Variants in KIAA1549L observed in about 807,000 individuals in gnomAD.
The protein encoded by KIAA1549L is UPF0606 protein KIAA1549L.
Under a neutral mutation model 160.7 loss-of-function variants are expected in KIAA1549L, and 88 were observed. The observed-to-expected ratio is 0.55, with a 90% CI of 0.46 to 0.65. The LOEUF is 0.65. Ranked by LOEUF, KIAA1549L falls within the 30% of genes least tolerant of loss-of-function variation. The probability of loss-of-function intolerance (pLI) is 0.00; values close to 1 mark genes in which losing one functional copy is unlikely to be tolerated. For missense variants in KIAA1549L, 2,258 were observed against 2,437.5 expected, an observed-to-expected ratio of 0.93 and a Z score of 1.55; for synonymous variants, 950 against 976.7, an observed-to-expected ratio of 0.97 and a Z score of 0.51.
intron 19 of KIAA1549L, among the ~76,000 whole-genome samples, chr11:33,659,712 T>C (rs1209476654): frequency 1.3e-5 from 2 of 152,206 alleles, no homozygotes. Flanking sequence ...TCTTGGCGCT[T>C]TAAAAATACA....
chr11:33,610,893 C>A (rs1313066843), intron 15 of KIAA1549L, among the ~76,000 whole-genome samples: 1 of 152,226 alleles, frequency 6.6e-6, no homozygotes, highest in Non-Finnish European at 1.5e-5. Context: ...TGCATCATCC[C>A]ATGGCAGAAG....
At chr11:33,667,032 A>G (rs866434537) in intron 20 of KIAA1549L, among the ~76,000 whole-genome samples, 4 of 152,282 alleles carry the variant, frequency 2.6e-5, no homozygotes, top group Middle Eastern at 3.4e-3. Flanking sequence ...TTGTACTTAT[A>G]TGAATAAGGT....
intron 6 of KIAA1549L, 128 bp downstream of exon 6, chr11:33,552,369 G>A (rs1854492644): frequency 3.0e-6 from 3 of 1,008,256 alleles, no homozygotes; most frequent in Admixed American, 4.5e-5. Context: ...TTCAGACATT[G>A]GTGAGGATGT....
At chr11:33,418,899 T>G (rs1177660859) in intron 1 of KIAA1549L, among the ~76,000 whole-genome samples, 26 of 83,940 alleles carry the variant, frequency 3.1e-4, no homozygotes, top group Admixed American at 3.0e-3. Flanking sequence ...TTTTTTTTTT[T>G]GGGTGGGGTG....
chr11:33,467,877 TA>T (rs753392073), intron 1 of KIAA1549L, among the ~76,000 whole-genome samples: 1 of 152,118 alleles, frequency 6.6e-6, no homozygotes, highest in Non-Finnish European at 1.5e-5. Context: ...ACTCTGCAGT[TA>T]AAAAAGAAAG....
chr11:33,481,465 T>G (rs143433394), intron 1 of KIAA1549L, among the ~76,000 whole-genome samples: 1 of 152,380 alleles, frequency 6.6e-6, no homozygotes, highest in Non-Finnish European at 1.5e-5. Context: ...TAAAAGTTAT[T>G]TTGTGTCACC....
intron 13 of KIAA1549L, 113 bp downstream of exon 13, chr11:33,599,060 A>G: frequency 7.8e-7 from 1 of 1,283,362 alleles, no homozygotes; most frequent in Non-Finnish European, 1.1e-6. Context: ...TCTGACCCTC[A>G]GTCGTTCTTT....
At chr11:33,546,905 A>G (rs898163332) in intron 3 of KIAA1549L, among the ~76,000 whole-genome samples, 2 of 152,246 alleles carry the variant, frequency 1.3e-5, no homozygotes, top group East Asian at 1.9e-4. Flanking sequence ...AAGTATAACA[A>G]TAGACTGTAA....
At chr11:33,552,303 A>G in intron 6 of KIAA1549L, 62 bp downstream of exon 6, 1 of 1,539,874 alleles carries the variant, frequency 6.5e-7, no homozygotes. Context: ...GAGTCTGGCA[A>G]GAAATGACTT....
intron 1 of KIAA1549L, among the ~76,000 whole-genome samples, chr11:33,539,289 T>C (rs1190418820): frequency 6.6e-6 from 1 of 152,234 alleles, no homozygotes; most frequent in African/African-American, 2.4e-5. Context: ...TCCTATTTAT[T>C]AATTTTTTAC....
At chr11:33,379,567 C>G (rs555703366) in intron 1 of KIAA1549L, among the ~76,000 whole-genome samples, 18 of 152,292 alleles carry the variant, frequency 1.2e-4, no homozygotes, top group Non-Finnish European at 2.4e-4. Context: ...TGACTTCACT[C>G]TCTTTTTAAC....
At chr11:33,445,728 G>C (rs1851597078) in intron 1 of KIAA1549L, among the ~76,000 whole-genome samples, 1 of 152,176 alleles carries the variant, frequency 6.6e-6, no homozygotes, top group South Asian at 2.1e-4. Flanking sequence ...TGTCAGCGTG[G>C]GGACAGTAGT....
chr11:33,667,728 TA>T, intron 20 of KIAA1549L, 144 bp from the exon 21 acceptor site: 1 of 676,024 alleles, frequency 1.5e-6, no homozygotes, highest in East Asian at 2.7e-5. Context: ...GTTTTATATC[TA>T]TACAATGGTA....
At chr11:33,574,932 C>A in intron 10 of KIAA1549L, 59 bp downstream of exon 10, 2 of 1,429,392 alleles carry the variant, frequency 1.4e-6, no homozygotes, top group South Asian at 2.4e-5. Context: ...TCCTGAAAAT[C>A]AAAATGATTC....
chr11:33,547,957 C>T, intron 4 of KIAA1549L, 78 bp downstream of exon 4: 1 of 945,282 alleles, frequency 1.1e-6, no homozygotes, highest in East Asian at 2.6e-5. Context: ...GATTGTTTTC[C>T]TCCTTTCTAG....
At chr11:33,562,645 C>T (rs376777080) in intron 8 of KIAA1549L, among the ~76,000 whole-genome samples, 4 of 151,698 alleles carry the variant, frequency 2.6e-5, no homozygotes, top group African/African-American at 7.3e-5. Context: ...AATTAGGGCT[C>T]CCCAGTATGA....
intron 1 of KIAA1549L, among the ~76,000 whole-genome samples, chr11:33,532,548 C>T (rs1046973503): frequency 1.3e-5 from 2 of 152,204 alleles, no homozygotes; most frequent in Non-Finnish European, 2.9e-5. Flanking sequence ...GAAACTGGCA[C>T]ACAGAGATGT....
intron 1 of KIAA1549L, among the ~76,000 whole-genome samples, chr11:33,492,757 A>G (rs1276941219): frequency 1.3e-5 from 2 of 152,132 alleles, no homozygotes; most frequent in African/African-American, 2.4e-5. Flanking sequence ...AGTGTTTCCT[A>G]TCAAAAGCTA....
At chr11:33,414,357 T>C (rs1850845900) in intron 1 of KIAA1549L, among the ~76,000 whole-genome samples, 1 of 152,238 alleles carries the variant, frequency 6.6e-6, no homozygotes, top group Admixed American at 6.5e-5. Flanking sequence ...AAAGATGTGA[T>C]GCATAGTATC....
Sources: allele counts gnomAD v4.1 joint callset (sites outside exome capture counted in the v4.1 genomes callset), GRCh38; gene constraint gnomAD v4.1.1; transcripts MANE v1.5; gene names NCBI Gene and HGNC (gene_info 2026-07-23, HGNC 2026-07-21).